KDM4C: variants seen among roughly 807,000 people sequenced by gnomAD.
The protein encoded by KDM4C is lysine-specific demethylase 4C.
Under a neutral mutation model 129.3 loss-of-function variants are expected in KDM4C, and 81 were observed. The observed-to-expected ratio is 0.63, with a 90% CI of 0.52 to 0.75. The LOEUF is 0.75. Ranked by LOEUF, KDM4C falls within the 30% of genes least tolerant of loss-of-function variation. KDM4C has a pLI of 0.00. For synonymous variants in KDM4C, 573 were observed against 456.1 expected, an observed-to-expected ratio of 1.26 and a Z score of -3.26; for missense variants, 1,457 against 1,304.0, an observed-to-expected ratio of 1.12 and a Z score of -1.81.
At chr9:6,969,465 A>G (rs1011135043) in intron 8 of KDM4C, among the ~76,000 whole-genome samples, 2 of 152,188 alleles carry the variant, frequency 1.3e-5, no homozygotes, top group Non-Finnish European at 2.9e-5. Flanking sequence ...ACTGACTTGA[A>G]TTGTTTTGAA....
At chr9:6,803,066 C>T (rs549683054) in intron 2 of KDM4C, among the ~76,000 whole-genome samples, 1 of 152,128 alleles carries the variant, frequency 6.6e-6, no homozygotes, top group African/African-American at 2.4e-5. Flanking sequence ...AAGTCATTGC[C>T]ATAAACACCG....
At chr9:6,785,014 C>A (rs1269250618) in intron 1 of KDM4C, among the ~76,000 whole-genome samples, 3 of 152,162 alleles carry the variant, frequency 2.0e-5, no homozygotes, top group Non-Finnish European at 4.4e-5. Flanking sequence ...AGAACGTGGT[C>A]CTCTTCTCCT....
intron 19 of KDM4C, among the ~76,000 whole-genome samples, chr9:7,136,231 G>C (rs950951193): frequency 6.6e-6 from 1 of 152,190 alleles, no homozygotes; most frequent in Non-Finnish European, 1.5e-5. Context: ...CCATTCACCA[G>C]TTGATGGACA....
chr9:6,862,807 A>AAAAC (rs367828705), intron 5 of KDM4C, among the ~76,000 whole-genome samples: 9,439 of 150,746 alleles, frequency 0.063, 310 homozygotes, highest in Middle Eastern at 0.12. Flanking sequence ...ACTTTGTCTC[A>AAAAC]AAACAAACAA....
At chr9:6,995,963 C>T (rs983901409) in intron 12 of KDM4C, among the ~76,000 whole-genome samples, 8 of 152,192 alleles carry the variant, frequency 5.3e-5, no homozygotes, top group African/African-American at 1.7e-4. Flanking sequence ...CCACCGCGCC[C>T]GGCCCTGCAG....
At chr9:7,170,163 A>T (rs1844818906) in intron 21 of KDM4C, 2 of 1,319,672 alleles carry the variant, frequency 1.5e-6, no homozygotes, top group Non-Finnish European at 2.0e-6. Flanking sequence ...TACTTACTGA[A>T]TGTGTGCTCT....
chr9:6,809,508 T>C (rs1346618147), intron 3 of KDM4C, among the ~76,000 whole-genome samples: 1 of 152,186 alleles, frequency 6.6e-6, no homozygotes, highest in African/African-American at 2.4e-5. Flanking sequence ...CTAAAAACTA[T>C]TGTTAATACT....
upstream of KDM4C, chr9:6,757,939 G>C: frequency 1.0e-6 from 1 of 985,400 alleles, no homozygotes; most frequent in South Asian, 4.7e-5. Flanking sequence ...GGGCCCCAGC[G>C]GTCACGTGAC....
chr9:7,061,714 TC>T, intron 17 of KDM4C, among the ~76,000 whole-genome samples: 2 of 152,330 alleles, frequency 1.3e-5, no homozygotes, highest in East Asian at 3.9e-4. Context: ...CAATATCGAC[TC>T]TACCCTCAGC....
At chr9:6,806,892 CTCCCT>C (rs1830079720) in intron 3 of KDM4C, among the ~76,000 whole-genome samples, 1 of 150,678 alleles carries the variant, frequency 6.6e-6, no homozygotes, top group African/African-American at 2.5e-5. Context: ...CCCTCTCCCT[CTCCCT>C]CTCCCTCTCC....
At position 7,161,566 on chromosome 9, in the gene KDM4C, T is replaced by C. The variant is rs144358386; in HGVS notation, c.2782-3672T>C. 2.0e-5 allele frequency among the ~76,000 whole-genome samples: 3 copies of C among 152,266 alleles called. No individual in the cohort carries two copies. The East Asian group carries it at 5.8e-4, about 29-fold the overall frequency. The stretch of plus-strand genomic sequence containing the variant: ...AGTTCTACTCTGAAGCCCTCATAGA[T>C]CTCCCCCCTTGCAAGGACCCTGAAG... On this transcript the variant is annotated intron_variant, in intron 19 of 21. Transcript: ENST00000381309.
intron 2 of KDM4C, among the ~76,000 whole-genome samples, chr9:6,804,683 AG>A (rs1347375182): frequency 1.3e-5 from 2 of 150,892 alleles, no homozygotes; most frequent in Non-Finnish European, 3.0e-5. Context: ...GCTTGAACCC[AG>A]GGAAGCGGAG....
intron 19 of KDM4C, among the ~76,000 whole-genome samples, chr9:7,135,697 T>C (rs549791949): frequency 6.6e-6 from 1 of 152,114 alleles, no homozygotes; most frequent in Non-Finnish European, 1.5e-5. Context: ...GGAGGCAAAA[T>C]ACAATACCCA....
intron 17 of KDM4C, among the ~76,000 whole-genome samples, chr9:7,082,490 T>C (rs186528228): frequency 2.9e-4 from 44 of 152,312 alleles, no homozygotes; most frequent in African/African-American, 1.0e-3. Context: ...TCACCAGGGC[T>C]GATGGTGGAA....
At chr9:6,978,964 C>G (rs953867346) in intron 8 of KDM4C, 12 of 152,006 alleles carry the variant, frequency 7.9e-5, no homozygotes, top group African/African-American at 2.9e-4. Context: ...TTCTGAGACA[C>G]TTTCCTCAGA....
intron 3 of KDM4C, among the ~76,000 whole-genome samples, chr9:6,810,235 A>G (rs1007699815): frequency 2.6e-5 from 4 of 152,244 alleles, no homozygotes; most frequent in Non-Finnish European, 5.9e-5. Flanking sequence ...CTGTTAAATT[A>G]TTACTCTACT....
intron 8 of KDM4C, among the ~76,000 whole-genome samples, chr9:6,916,963 A>G (rs1820416465): frequency 6.6e-6 from 1 of 152,204 alleles, no homozygotes; most frequent in Non-Finnish European, 1.5e-5. Flanking sequence ...TGGGGAAATG[A>G]TACAAAGTTG....
intron 4 of KDM4C, among the ~76,000 whole-genome samples, chr9:6,840,288 G>T (rs1195168633): frequency 6.6e-6 from 1 of 152,064 alleles, no homozygotes; most frequent in East Asian, 1.9e-4. Flanking sequence ...GTCCTGGCTA[G>T]TCTTGAACTC....
intron 17 of KDM4C, among the ~76,000 whole-genome samples, chr9:7,072,374 G>C (rs192865834): frequency 1.6e-4 from 25 of 152,282 alleles, no homozygotes; most frequent in Admixed American, 9.2e-4. Context: ...AAGCAACTCA[G>C]TGTTTTTCAA....
Sources: allele counts gnomAD v4.1 joint callset (sites outside exome capture counted in the v4.1 genomes callset), GRCh38; gene constraint gnomAD v4.1.1; transcripts MANE v1.5; gene names NCBI Gene and HGNC (gene_info 2026-07-23, HGNC 2026-07-21).